Variants in PIK3C2G observed in about 807,000 individuals in gnomAD.
The protein encoded by PIK3C2G is phosphatidylinositol 3-kinase C2 domain-containing subunit gamma.
In PIK3C2G, 168 loss-of-function variants were observed where a neutral mutation model predicts 181.1. The ratio of observed to expected loss-of-function variants is 0.93; its 90% CI spans 0.82 to 1.05. The LOEUF is 1.05. PIK3C2G is among the 50% of genes least tolerant of loss of function. PIK3C2G has a pLI of 0.00. For synonymous variants in PIK3C2G, 573 were observed against 592.2 expected (o/e 0.97, Z 0.47); for missense variants, 1,869 against 1,732.8 (o/e 1.08, Z -1.40).
chr12:18,349,158 T>A (rs546795679), intron 11 of PIK3C2G, among the ~76,000 whole-genome samples: 3 of 152,274 alleles, frequency 2.0e-5, no homozygotes, highest in African/African-American at 7.2e-5. Context: ...GGAAGTGGTA[T>A]ACCACTACTT....
At chr12:18,323,289 T>C (rs941769193) in intron 7 of PIK3C2G, among the ~76,000 whole-genome samples, 4 of 152,092 alleles carry the variant, frequency 2.6e-5, no homozygotes, top group Admixed American at 6.6e-5. Context: ...TACTCCTCCA[T>C]CCCTCCCTCC....
At chr12:18,599,791 A>C (rs1052455414) in intron 30 of PIK3C2G, among the ~76,000 whole-genome samples, 1 of 152,008 alleles carries the variant, frequency 6.6e-6, no homozygotes, top group African/African-American at 2.4e-5. Flanking sequence ...AAGAAAATTC[A>C]ATCAGAGGTC....
At chr12:18,330,495 G>C (rs1937819732) in intron 8 of PIK3C2G, among the ~76,000 whole-genome samples, 1 of 152,142 alleles carries the variant, frequency 6.6e-6, no homozygotes, top group South Asian at 2.1e-4. Context: ...TAGTGACTAT[G>C]TGGCAATATT....
At position 18,346,691 on chromosome 12, in the gene PIK3C2G, A is replaced by G. The variant is rs770481876; in HGVS notation, c.1480A>G (p.Ile494Val). The G allele has an allele frequency of 8.1e-6, 13 of 1,613,328 alleles. No individual in the cohort carries two copies. The highest frequency in any genetic ancestry group is 1.1e-5 in the Non-Finnish European group (13 of 1,179,400). ...TELSTSIYQL[I>V]NVYCNSFYAD... is the part of the protein sequence containing the mutation. ...ACTATCCACATCCATCTACCAGCTA[A>G]TCAATGTCTACTGTAACAGCTTTTA... The change falls in exon 11 of 33, where the codon ATC (isoleucine) becomes GTC (valine). Residue 494 changes from isoleucine to valine, a missense_variant. By Grantham distance (29) the Ile-to-Val change is conservative. Coordinates refer to ENST00000538779, the MANE Select transcript of PIK3C2G (RefSeq NM_001288772.2).
chr12:18,705,050 G>A, the PIK3C2G span: 101 of 1,280,856 alleles, frequency 7.9e-5, 1 homozygote, highest in South Asian at 6.0e-4. Flanking sequence ...ACCTCTATAC[G>A]TGATCAAAAC....
chr12:18,520,002 T>TAAAAAAAAAAAAAA (rs889312316), intron 24 of PIK3C2G, among the ~76,000 whole-genome samples: 5 of 46,242 alleles, frequency 1.1e-4, no homozygotes, highest in Non-Finnish European at 1.8e-4. Flanking sequence ...CAATAAATAC[T>TAAAAAAAAAAAAAA]AAAAAAAAAA....
Position 18,381,801 on chromosome 12 carries a change from C to T in PIK3C2G, c.1916C>T (p.Thr639Ile), listed in dbSNP as rs1942853836. The change falls in exon 14 of 33, where the codon ACA becomes ATA. Residue 639 changes from threonine to isoleucine, a missense_variant. By Grantham distance (89) the Thr-to-Ile change is moderately conservative (BLOSUM62 -1). Transcript: ENST00000538779. ...CTCGGGTCTATGCTGTTCAGCATGA[C>T]ATTACAGAGTGAGCCTCCCGTAGAA... is the stretch of plus-strand genomic sequence containing the variant. ...SILGSMLFSM[T>I]LQSEPPVEMI... 2 of 1,613,316 alleles carry T rather than the reference C, an allele frequency of 1.2e-6. No individual in the cohort carries two copies. Among genetic ancestry groups the T allele is most frequent in the Non-Finnish European group, 1.7e-6 (2 of 1,179,396 alleles).
chr12:18,725,082 T>C, the PIK3C2G span, among the ~76,000 whole-genome samples: 72,536 of 151,998 alleles, frequency 0.48, 20,610 homozygotes, highest in East Asian at 0.67. Flanking sequence ...AGAATCACTA[T>C]AGTTGATCAA....
At chr12:18,292,702 T>C (rs1949765665) in intron 4 of PIK3C2G, among the ~76,000 whole-genome samples, 2 of 152,198 alleles carry the variant, frequency 1.3e-5, no homozygotes, top group Admixed American at 1.3e-4. Flanking sequence ...ATGTCTACAT[T>C]TTGAGTTCCA....
intron 3 of PIK3C2G, among the ~76,000 whole-genome samples, chr12:18,287,404 T>G (rs1446229471): frequency 6.6e-6 from 1 of 152,206 alleles, no homozygotes; most frequent in Non-Finnish European, 1.5e-5. Context: ...ATTTGATCAC[T>G]GGCAGATATT....
rs1025194561 is a variant in PIK3C2G at position 18,570,853 on chromosome 12, G to A, written c.4011+3796G>A. On this transcript the variant is annotated intron_variant, in intron 29 of 32. Transcript: ENST00000538779. Reference sequence around the variant, plus strand: ...CTGGATCGACCACATCAAGGAGCTCGAAGGCAGAGAACCGAAAACTGTCAA... The same window carrying A: ...CTGGATCGACCACATCAAGGAGCTCAAAGGCAGAGAACCGAAAACTGTCAA... Among the ~76,000 whole-genome samples, 75 of 150,874 alleles carry A rather than the reference G, an allele frequency of 5.0e-4. 4 individuals carry two copies. Among genetic ancestry groups the A allele is most frequent in the African/African-American group, 1.7e-3 (68 of 40,402 alleles).
At chr12:18,695,722 G>A in the PIK3C2G span, among the ~76,000 whole-genome samples, 1 of 151,974 alleles carries the variant, frequency 6.6e-6, no homozygotes, top group African/African-American at 2.4e-5. Context: ...GTCTGGTGAG[G>A]GCAAATAACC....
At chr12:18,659,466 T>C in the PIK3C2G span, among the ~76,000 whole-genome samples, 1 of 152,232 alleles carries the variant, frequency 6.6e-6, no homozygotes, top group African/African-American at 2.4e-5. Flanking sequence ...AACAAGAATA[T>C]TCTCTCTCTT....
At chr12:18,376,640 G>A (rs1182526547) in intron 13 of PIK3C2G, among the ~76,000 whole-genome samples, 2 of 152,190 alleles carry the variant, frequency 1.3e-5, no homozygotes, top group Non-Finnish European at 2.9e-5. Flanking sequence ...TAGTTTGGAT[G>A]TTGTTTCCTC....
the PIK3C2G span, among the ~76,000 whole-genome samples, chr12:18,661,372 AAAAAAGAG>A: frequency 9.3e-6 from 1 of 107,290 alleles, no homozygotes; most frequent in East Asian, 2.5e-4. Flanking sequence ...CAAAAATAAA[AAAAAAGAG>A]AGAGAGAGAA....
chr12:18,664,755 T>C, the PIK3C2G span, among the ~76,000 whole-genome samples: 1 of 151,030 alleles, frequency 6.6e-6, no homozygotes, highest in African/African-American at 2.4e-5. Flanking sequence ...TTGGAACCAA[T>C]CCAAATGTCC....
At chr12:18,725,832 A>G in the PIK3C2G span, among the ~76,000 whole-genome samples, 1 of 151,980 alleles carries the variant, frequency 6.6e-6, no homozygotes, top group Non-Finnish European at 1.5e-5. Flanking sequence ...TTAAATTACC[A>G]ATTTCTACTA....
intron 5 of PIK3C2G, among the ~76,000 whole-genome samples, chr12:18,294,801 T>C (rs1949862033): frequency 6.6e-6 from 1 of 151,928 alleles, no homozygotes; most frequent in Non-Finnish European, 1.5e-5. Flanking sequence ...ATATCCCCTT[T>C]GCATCTCTAC....
intron 32 of PIK3C2G, among the ~76,000 whole-genome samples, chr12:18,643,094 A>C (rs1331997921): frequency 6.6e-6 from 1 of 152,166 alleles, no homozygotes; most frequent in Non-Finnish European, 1.5e-5. Flanking sequence ...CTAACAATTC[A>C]GAACAATTTA....
Sources: gnomAD v4.1 joint callset for allele counts (sites outside exome capture counted in the v4.1 genomes callset) on GRCh38, gnomAD v4.1.1 for gene constraint, MANE v1.5 for transcripts, NCBI Gene and HGNC (gene_info 2026-07-23, HGNC 2026-07-21) for gene names.